IGFL4: variants seen among roughly 807,000 people sequenced by gnomAD.
IGFL4 encodes the protein IGF like family member 4, also known as insulin growth factor-like family member 4.
Under a neutral mutation model 15.4 loss-of-function variants are expected in IGFL4, and 12 were observed. That is an observed-to-expected ratio of 0.78 (90% CI 0.50 to 1.26). IGFL4 has a LOEUF of 1.26. Among genes scored for constraint, IGFL4 ranks in the 50% most tolerant of loss-of-function variants. The pLI, the probability that IGFL4 is intolerant of heterozygous loss-of-function variation, is 0.00. For missense variants in IGFL4, 126 were observed against 147.8 expected (o/e 0.85, Z 0.76); for synonymous variants, 54 against 55.9 (o/e 0.97, Z 0.16).
At position 46,039,840 on chromosome 19, in the gene IGFL4, T is replaced by G; in HGVS notation, c.*52A>C. On this transcript the variant is annotated 3_prime_UTR_variant, in exon 4 of 4. Coordinates refer to ENST00000377697, the MANE Select transcript of IGFL4 (RefSeq NM_001002923.3). ...AACAACAAAATCAATGCAGTATAATTACCAAGTATTAGATTCTAGAGTGAT... is the reference window on the plus strand; with the variant it reads ...AACAACAAAATCAATGCAGTATAATGACCAAGTATTAGATTCTAGAGTGAT... The G allele has an allele frequency of 7.0e-7, 1 of 1,430,370 alleles. No homozygotes were observed. 88.6% of individuals were successfully genotyped at this position (1,430,370 alleles called of 1,614,324 possible). A position where few individuals can be genotyped will look rare whatever the true frequency, so the allele number is the denominator to read the frequency against.
chr19:46,040,399 A>C lies in IGFL4; in HGVS notation c.88T>G (p.Cys30Gly). Residue 30 changes from cysteine to glycine, a missense_variant, in exon 3 of 4, where the codon TGC becomes GGC. Cys to Gly is a radical substitution (Grantham distance 159, BLOSUM62 -3). Transcript: ENST00000377697. This position sits in a 1 kb window ranked among gnomAD's most constrained non-coding sequence, Gnocchi z 4.1. ...EGVTDLRLWLCQPAPRCGEWT... is the reference protein window; with the variant it reads ...EGVTDLRLWLGQPAPRCGEWT... ...TCCCCGCACCTGGGCGCTGGCTGGC[A>C]TAGCCACAGTCTAAGATCTGGAAGA... 6.2e-7 allele frequency: 1 copy of C among 1,614,194 alleles called. No individual in the cohort carries two copies. The highest frequency in any genetic ancestry group is 8.5e-7 in the Non-Finnish European group (1 of 1,180,026).
upstream of IGFL4, among the ~76,000 whole-genome samples, chr19:46,042,286 C>A (rs988497474): frequency 6.6e-6 from 1 of 152,226 alleles, no homozygotes; most frequent in Admixed American, 6.5e-5. Context: ...CTTTCCCACA[C>A]ATCCAAACAG....
At chr19:46,065,092 T>C (rs372006407) in intron 1 of IGFL4, among the ~76,000 whole-genome samples, 3 of 152,220 alleles carry the variant, frequency 2.0e-5, no homozygotes, top group East Asian at 3.8e-4. Flanking sequence ...ATGTCTTCTT[T>C]TGATATATGT....
At chr19:46,050,164 C>A (rs926354682) in intron 2 of IGFL4, among the ~76,000 whole-genome samples, 9 of 152,208 alleles carry the variant, frequency 5.9e-5, no homozygotes, top group Non-Finnish European at 1.2e-4. Context: ...AGAATCTGAA[C>A]ATCAGCCCTT....
chr19:46,044,042 A>G (rs964428826), upstream of IGFL4, among the ~76,000 whole-genome samples: 1 of 152,160 alleles, frequency 6.6e-6, no homozygotes, highest in Non-Finnish European at 1.5e-5. Context: ...TGGAGAACGA[A>G]GAAATGCAGG....
chr19:46,044,271 G>A (rs1969276443), upstream of IGFL4, among the ~76,000 whole-genome samples: 1 of 152,132 alleles, frequency 6.6e-6, no homozygotes, highest in African/African-American at 2.4e-5. Flanking sequence ...CGGCCACAGG[G>A]GCACTCACAG....
At chr19:46,071,629 C>A (rs1885056741) in intron 1 of IGFL4, among the ~76,000 whole-genome samples, 1 of 152,222 alleles carries the variant, frequency 6.6e-6, no homozygotes, top group Admixed American at 6.5e-5. Context: ...TCATGGACAC[C>A]AGCAGAATGA....
At chr19:46,077,287 C>T (rs1475064370), upstream of IGFL4, among the ~76,000 whole-genome samples, 4 of 152,322 alleles carry the variant, frequency 2.6e-5, no homozygotes, top group South Asian at 6.2e-4. The surrounding 1 kb of genome is among the most constrained non-coding windows in gnomAD (Gnocchi z 5.4). Flanking sequence ...GACTTGGAAT[C>T]TCAGTCGCGC....
At chr19:46,066,939 TC>T (rs1969500836) in intron 1 of IGFL4, among the ~76,000 whole-genome samples, 1 of 152,200 alleles carries the variant, frequency 6.6e-6, no homozygotes, top group African/African-American at 2.4e-5. Context: ...CCAATCGTAC[TC>T]CTAAAACCAT....
chr19:46,049,319 A>G (rs1335440868), intron 2 of IGFL4, among the ~76,000 whole-genome samples: 1 of 152,238 alleles, frequency 6.6e-6, no homozygotes, highest in Non-Finnish European at 1.5e-5. Flanking sequence ...GGGACAATCA[A>G]GAAACTGTGA....
chr19:46,071,620 C>G (rs565270208), intron 1 of IGFL4, among the ~76,000 whole-genome samples: 12 of 152,320 alleles, frequency 7.9e-5, no homozygotes, highest in African/African-American at 2.9e-4. Flanking sequence ...GTCTGCTGAT[C>G]ATGGACACCA....
At position 46,074,307 on chromosome 19, in the gene IGFL4, A is replaced by C. The variant is rs116477802; in HGVS notation, c.-432+2713T>G. Among the ~76,000 whole-genome samples, 1,315 of 151,868 alleles carry C rather than the reference A, an allele frequency of 8.7e-3. 21 individuals are homozygous for C. Among genetic ancestry groups the C allele is most frequent in the African/African-American group, 0.03 (1,247 of 41,412 alleles). ...TATACATATATATATATACACACAC[A>C]CATATATATATCTTATTATTGTGGG... On this transcript the variant is annotated intron_variant, in intron 1 of 5. Coordinates refer to the IGFL4 transcript ENST00000601672.
intron 1 of IGFL4, among the ~76,000 whole-genome samples, chr19:46,070,853 C>CA (rs1289792419): frequency 6.6e-6 from 1 of 152,100 alleles, no homozygotes; most frequent in Admixed American, 6.5e-5. Context: ...TGGGTGTGTG[C>CA]AAAGTGTTTT....
upstream of IGFL4, among the ~76,000 whole-genome samples, chr19:46,077,494 A>G (rs1386172342): frequency 2.0e-5 from 3 of 152,212 alleles, no homozygotes; most frequent in East Asian, 5.8e-4. This position sits in a 1 kb window ranked among gnomAD's most constrained non-coding sequence, Gnocchi z 5.4. Context: ...GGATCCTAGT[A>G]TCATTCAGGA....
chr19:46,044,165 T>C (rs781137343), upstream of IGFL4, among the ~76,000 whole-genome samples: 51 of 152,176 alleles, frequency 3.4e-4, no homozygotes, highest in Non-Finnish European at 6.9e-4. Flanking sequence ...GCTTCTCCCA[T>C]GGATATTTGC....
chr19:46,060,180 C>G (rs1362009776), intron 2 of IGFL4: 2 of 152,148 alleles, frequency 1.3e-5, no homozygotes, highest in Non-Finnish European at 2.9e-5. Flanking sequence ...GTTAAGAATA[C>G]TCACAAATAG....
At chr19:46,049,792 A>G (rs980562869) in intron 2 of IGFL4, among the ~76,000 whole-genome samples, 10 of 152,122 alleles carry the variant, frequency 6.6e-5, no homozygotes, top group African/African-American at 2.4e-4. Context: ...GCAAGTTTGT[A>G]TCCTCCCCAC....
At position 46,040,768 on chromosome 19, in the gene IGFL4, T is replaced by C; in HGVS notation, c.19+176A>G. On this transcript the variant is annotated intron_variant, in intron 1 of 3. Transcript: ENST00000377697. This position sits in a 1 kb window ranked among gnomAD's most constrained non-coding sequence, Gnocchi z 4.1. Reference sequence around the variant, plus strand: ...AGGGCTCTGGGAAAAGTTAAGCTTCTGGAATTTGCAGTTCAGGAGACAGAT... The same window carrying C: ...AGGGCTCTGGGAAAAGTTAAGCTTCCGGAATTTGCAGTTCAGGAGACAGAT... The C allele has an allele frequency of 4.2e-6, 4 of 947,036 alleles. No individual in the cohort carries two copies. The highest frequency in any genetic ancestry group is 6.6e-6 in the Non-Finnish European group (4 of 606,154). The allele number at this position is 947,036 out of a possible 1,614,324, so 58.7% of individuals were successfully genotyped here.
chr19:46,052,899 C>G (rs1969359396), intron 2 of IGFL4, among the ~76,000 whole-genome samples: 1 of 112,834 alleles, frequency 8.9e-6, no homozygotes, highest in Non-Finnish European at 1.7e-5. Context: ...GCTTGCTACT[C>G]TGTATCAGCA....
Sources: allele counts gnomAD v4.1 joint callset (sites outside exome capture counted in the v4.1 genomes callset), GRCh38; gene constraint gnomAD v4.1.1; non-coding constraint Gnocchi (gnomAD v3.1); transcripts MANE v1.5; gene names NCBI Gene and HGNC (gene_info 2026-07-23, HGNC 2026-07-21).